Variants in ZHX2 observed in about 807,000 individuals in gnomAD.
ZHX2 encodes zinc fingers and homeoboxes protein 2.
Under a neutral mutation model 21.9 loss-of-function variants are expected in ZHX2, and 6 were observed. The ratio of observed to expected loss-of-function variants is 0.27; its 90% CI spans 0.15 to 0.54. The LOEUF is 0.54. Among genes scored for constraint, ZHX2 ranks in the 20% least tolerant of loss-of-function variants. The pLI is 0.95. For synonymous variants in ZHX2, 434 were observed against 437.1 expected (o/e 0.99, Z 0.09); for missense variants, 908 against 1,090.7 (o/e 0.83, Z 2.36).
chr8:122,928,699 C>T (rs1211135585), intron 2 of ZHX2, among the ~76,000 whole-genome samples: 3 of 152,094 alleles, frequency 2.0e-5, no homozygotes, highest in Admixed American at 1.3e-4. Context: ...TGGAATGTTA[C>T]GAACAAATGA....
At chr8:122,889,198 A>G (rs1404381523) in intron 2 of ZHX2, among the ~76,000 whole-genome samples, 1 of 152,190 alleles carries the variant, frequency 6.6e-6, no homozygotes, top group Non-Finnish European at 1.5e-5. Flanking sequence ...GGGAGTGCAG[A>G]TATCTCTTCA....
intron 2 of ZHX2, among the ~76,000 whole-genome samples, chr8:122,929,999 C>T (rs1435468707): frequency 6.6e-6 from 1 of 152,170 alleles, no homozygotes; most frequent in East Asian, 1.9e-4. Flanking sequence ...AGGAAGGTAA[C>T]AGTCTTCCCG....
chr8:122,832,421 G>C (rs2130678266), intron 1 of ZHX2, among the ~76,000 whole-genome samples: 1 of 152,308 alleles, frequency 6.6e-6, no homozygotes, highest in Middle Eastern at 3.4e-3. Context: ...TGGAGAGGTA[G>C]GCAACAACCT....
At chr8:122,788,777 C>A (rs916920834) in intron 1 of ZHX2, among the ~76,000 whole-genome samples, 1 of 152,138 alleles carries the variant, frequency 6.6e-6, no homozygotes, top group African/African-American at 2.4e-5. Flanking sequence ...TTAGATCGTG[C>A]TTTGGGATAG....
chr8:122,909,785 C>G (rs1291537062), intron 2 of ZHX2, among the ~76,000 whole-genome samples: 1 of 152,170 alleles, frequency 6.6e-6, no homozygotes, highest in East Asian at 1.9e-4. Context: ...TGGCCTCTTC[C>G]GGAAGTCTTG....
At chr8:122,905,981 A>G (rs149579972) in intron 2 of ZHX2, among the ~76,000 whole-genome samples, 1 of 152,324 alleles carries the variant, frequency 6.6e-6, no homozygotes, top group African/African-American at 2.4e-5. Context: ...TATTTACTTT[A>G]TGCCATGTAG....
At chr8:122,964,752 G>C (rs1312075547) in intron 3 of ZHX2, among the ~76,000 whole-genome samples, 3 of 152,000 alleles carry the variant, frequency 2.0e-5, no homozygotes, top group Admixed American at 2.0e-4. Context: ...ATAGAATTCA[G>C]CTGTGAATCC....
chr8:122,868,122 G>A (rs570916539), intron 2 of ZHX2, among the ~76,000 whole-genome samples: 2 of 152,280 alleles, frequency 1.3e-5, no homozygotes, highest in South Asian at 4.1e-4. Context: ...GAGTCATACG[G>A]TGATTCGGCT....
chr8:122,896,721 C>A (rs1211540006), intron 2 of ZHX2, among the ~76,000 whole-genome samples: 1 of 152,192 alleles, frequency 6.6e-6, no homozygotes, highest in African/African-American at 2.4e-5. Context: ...GCTCTGAAGC[C>A]AGTCCCTGCT....
intron 1 of ZHX2, among the ~76,000 whole-genome samples, chr8:122,815,087 G>A (rs1818003910): frequency 6.6e-6 from 1 of 152,194 alleles, no homozygotes; most frequent in South Asian, 2.1e-4. Context: ...AGGGTTGGAG[G>A]AAATGAGGTA....
intron 2 of ZHX2, among the ~76,000 whole-genome samples, chr8:122,884,879 C>T (rs1819803337): frequency 6.6e-6 from 1 of 152,150 alleles, no homozygotes; most frequent in Non-Finnish European, 1.5e-5. Context: ...AAGGTGGTAA[C>T]AACACTGCAG....
chr8:122,931,966 A>G (rs1235351790), intron 2 of ZHX2, among the ~76,000 whole-genome samples: 3 of 152,186 alleles, frequency 2.0e-5, no homozygotes, highest in Admixed American at 6.5e-5. Flanking sequence ...GGTGGCACAG[A>G]CAGTACGAGC....
intron 2 of ZHX2, among the ~76,000 whole-genome samples, chr8:122,887,566 T>C (rs1819875408): frequency 6.6e-6 from 1 of 152,044 alleles, no homozygotes; most frequent in Non-Finnish European, 1.5e-5. Flanking sequence ...TATATACAAG[T>C]GTATATGTAC....
intron 3 of ZHX2, among the ~76,000 whole-genome samples, chr8:122,967,973 C>T (rs557665506): frequency 1.0e-3 from 157 of 152,072 alleles, no homozygotes; most frequent in Non-Finnish European, 1.9e-3. Context: ...CAGGGTTAGG[C>T]GAGTCTGAGC....
chr8:122,947,750 G>A (rs1043491449), intron 2 of ZHX2, among the ~76,000 whole-genome samples: 11 of 152,178 alleles, frequency 7.2e-5, no homozygotes, highest in Non-Finnish European at 1.5e-4. Flanking sequence ...GGGGTGGGAT[G>A]TTCTGGCAGA....
chr8:122,965,250 T>C (rs1813552350), intron 3 of ZHX2, among the ~76,000 whole-genome samples: 1 of 152,144 alleles, frequency 6.6e-6, no homozygotes. Flanking sequence ...AGGCTGTTTA[T>C]TTGTGCTCTT....
intron 1 of ZHX2, among the ~76,000 whole-genome samples, chr8:122,807,021 A>T (rs1291193662): frequency 6.6e-6 from 1 of 152,104 alleles, no homozygotes; most frequent in East Asian, 1.9e-4. Flanking sequence ...GAGGGCGAGG[A>T]TGTGCACTCA....
intron 1 of ZHX2, among the ~76,000 whole-genome samples, chr8:122,836,457 T>G (rs12546506): frequency 6.6e-6 from 1 of 151,926 alleles, no homozygotes; most frequent in East Asian, 1.9e-4. Context: ...GGCACCTGAC[T>G]TAAGGTTCTT....
At chr8:122,827,401 A>G (rs568225780) in intron 1 of ZHX2, among the ~76,000 whole-genome samples, 1 of 152,300 alleles carries the variant, frequency 6.6e-6, no homozygotes, top group East Asian at 1.9e-4. Flanking sequence ...GATGATAACA[A>G]TAGTAATACT....
Sources: allele counts gnomAD v4.1 joint callset (sites outside exome capture counted in the v4.1 genomes callset), GRCh38; gene constraint gnomAD v4.1.1; transcripts MANE v1.5; gene names NCBI Gene and HGNC (gene_info 2026-07-23, HGNC 2026-07-21).